LYPLAL1: variants seen among roughly 807,000 people sequenced by gnomAD.
LYPLAL1 encodes lysophospholipase-like protein 1.
LYPLAL1 carries 23 observed loss-of-function variants against 19.7 expected under a neutral mutation model. The ratio of observed to expected loss-of-function variants is 1.17; its 90% CI spans 0.84 to 1.65. The LOEUF (loss-of-function observed/expected upper bound fraction) is 1.65. Ranked by LOEUF, LYPLAL1 falls within the 40% of genes most tolerant of loss-of-function variation. The probability of loss-of-function intolerance (pLI) is 0.00; values close to 1 mark genes in which losing one functional copy is unlikely to be tolerated. For missense variants in LYPLAL1, 355 were observed against 279.4 expected (o/e 1.27, Z -1.93); for synonymous variants, 119 against 96.3 (o/e 1.24, Z -1.38).
At chr1:219,283,687 T>G in the LYPLAL1 span, among the ~76,000 whole-genome samples, 1 of 152,120 alleles carries the variant, frequency 6.6e-6, no homozygotes. Context: ...AAAAAAAAAT[T>G]TATTAGGAAC....
chr1:219,354,082 G>A, the LYPLAL1 span, among the ~76,000 whole-genome samples: 4 of 152,278 alleles, frequency 2.6e-5, no homozygotes, highest in East Asian at 7.7e-4. Flanking sequence ...AGAGAAGAAA[G>A]AGAGAAGAGA....
chr1:219,241,124 CTCTCTCTCTCTATA>C, the LYPLAL1 span, among the ~76,000 whole-genome samples: 17 of 93,360 alleles, frequency 1.8e-4, no homozygotes, highest in African/African-American at 4.3e-4. Context: ...CTCTCTCTCT[CTCTCTCTCTCTATA>C]TATATATATA....
At chr1:219,229,335 G>GAGAGAGAGAGAGAGAGACAC in the LYPLAL1 span, among the ~76,000 whole-genome samples, 1 of 107,620 alleles carries the variant, frequency 9.3e-6, no homozygotes, top group African/African-American at 3.0e-5. Flanking sequence ...GAGAGAGAGA[G>GAGAGAGAGAGAGAGAGACAC]AGACACGCAG....
intron 1 of LYPLAL1, among the ~76,000 whole-genome samples, chr1:219,177,701 T>A (rs1162933229): frequency 6.6e-6 from 1 of 152,232 alleles, no homozygotes; most frequent in African/African-American, 2.4e-5. Flanking sequence ...TATCTGTTTC[T>A]ATCTACATCA....
At chr1:219,429,458 G>T in the LYPLAL1 span, among the ~76,000 whole-genome samples, 1 of 152,094 alleles carries the variant, frequency 6.6e-6, no homozygotes, top group South Asian at 2.1e-4. Context: ...AGGAGTTCAA[G>T]ACCAGCTTGG....
chr1:219,435,734 G>T, the LYPLAL1 span, among the ~76,000 whole-genome samples: 1 of 151,982 alleles, frequency 6.6e-6, no homozygotes, highest in African/African-American at 2.4e-5. Flanking sequence ...GCTGAGGCAG[G>T]AGAATCACTT....
At chr1:219,194,987 C>T (rs998608096) in intron 3 of LYPLAL1, among the ~76,000 whole-genome samples, 1 of 152,014 alleles carries the variant, frequency 6.6e-6, no homozygotes, top group African/African-American at 2.4e-5. Flanking sequence ...CAGATAGCCA[C>T]AGTAAGAGAC....
chr1:219,217,881 A>G, the LYPLAL1 span, among the ~76,000 whole-genome samples: 1 of 152,140 alleles, frequency 6.6e-6, no homozygotes, highest in South Asian at 2.1e-4. Flanking sequence ...AGAAGAAAGC[A>G]TAAATCAGTA....
At chr1:219,229,181 T>C in the LYPLAL1 span, among the ~76,000 whole-genome samples, 9 of 151,884 alleles carry the variant, frequency 5.9e-5, no homozygotes, top group East Asian at 1.9e-4. Context: ...TCTTCCGATA[T>C]GGAAGTGTTG....
At chr1:219,291,584 C>G in the LYPLAL1 span, among the ~76,000 whole-genome samples, 1 of 152,134 alleles carries the variant, frequency 6.6e-6, no homozygotes, top group African/African-American at 2.4e-5. Context: ...TCTCCTGACT[C>G]TTGGAGGGAC....
the LYPLAL1 span, among the ~76,000 whole-genome samples, chr1:219,276,007 T>G: frequency 6.6e-6 from 1 of 152,276 alleles, no homozygotes; most frequent in African/African-American, 2.4e-5. Flanking sequence ...CCTTGACTAG[T>G]AGAAAAGGGT....
the LYPLAL1 span, among the ~76,000 whole-genome samples, chr1:219,425,380 C>G: frequency 3.3e-5 from 5 of 152,324 alleles, no homozygotes; most frequent in East Asian, 9.6e-4. Context: ...AAGTTCACAG[C>G]TAATTAGTGG....
the LYPLAL1 span, among the ~76,000 whole-genome samples, chr1:219,250,761 A>C: frequency 6.6e-6 from 1 of 152,082 alleles, no homozygotes; most frequent in African/African-American, 2.4e-5. Context: ...GCTGCAATGA[A>C]CATTCACATG....
the LYPLAL1 span, among the ~76,000 whole-genome samples, chr1:219,282,334 A>G: frequency 1.3e-5 from 2 of 152,200 alleles, no homozygotes; most frequent in South Asian, 2.1e-4. Context: ...AAAAGATAAG[A>G]AAAAATATAT....
chr1:219,435,108 T>A, the LYPLAL1 span: 1 of 152,218 alleles, frequency 6.6e-6, no homozygotes, highest in East Asian at 1.9e-4. Context: ...GTCATGGTGA[T>A]CACAATCAAG....
chr1:219,307,040 A>ATATATG, the LYPLAL1 span, among the ~76,000 whole-genome samples: 1 of 33,956 alleles, frequency 2.9e-5, no homozygotes, highest in African/African-American at 5.5e-5. Flanking sequence ...ATATATATAT[A>ATATATG]TGTATATATA....
At chr1:219,241,138 A>G in the LYPLAL1 span, among the ~76,000 whole-genome samples, 7 of 72,688 alleles carry the variant, frequency 9.6e-5, no homozygotes, top group African/African-American at 2.8e-4. Flanking sequence ...CTCTCTCTAT[A>G]TATATATATA....
At chr1:219,413,274 C>T in the LYPLAL1 span, among the ~76,000 whole-genome samples, 10 of 152,108 alleles carry the variant, frequency 6.6e-5, no homozygotes, top group African/African-American at 2.2e-4. Context: ...ATTAAATTGC[C>T]ATAAGAGGCT....
At chr1:219,206,586 A>C (rs1365861286) in intron 3 of LYPLAL1, among the ~76,000 whole-genome samples, 1 of 152,094 alleles carries the variant, frequency 6.6e-6, no homozygotes. Context: ...ATTAAATCTT[A>C]AAATAATAAT....
Sources: gnomAD v4.1 joint callset for allele counts (sites outside exome capture counted in the v4.1 genomes callset) on GRCh38, gnomAD v4.1.1 for gene constraint, MANE v1.5 for transcripts, NCBI Gene and HGNC (gene_info 2026-07-23, HGNC 2026-07-21) for gene names.